The following ALCAM variants were observed in gnomAD, a reference collection of about 807,000 sequenced individuals.
The protein encoded by ALCAM is activated leukocyte cell adhesion molecule, also known as CD166 antigen.
Under a neutral mutation model 70.9 loss-of-function variants are expected in ALCAM, and 30 were observed. The ratio of observed to expected loss-of-function variants is 0.42; its 90% CI spans 0.32 to 0.57. The LOEUF is 0.57. Among genes scored for constraint, ALCAM ranks in the 20% least tolerant of loss-of-function variants. The pLI is 0.11. For synonymous variants in ALCAM, 249 were observed against 242.5 expected (o/e 1.03, Z -0.25); for missense variants, 591 against 695.1 (o/e 0.85, Z 1.68).
chr3:105,533,756 G>C, intron 5 of ALCAM, 66 bp downstream of exon 5: 1 of 1,488,908 alleles, frequency 6.7e-7, no homozygotes, highest in South Asian at 1.2e-5. Flanking sequence ...CTTTGTTCTA[G>C]GTATTCTTTA....
At chr3:105,457,839 C>A (rs1386761176) in intron 1 of ALCAM, among the ~76,000 whole-genome samples, 2 of 152,252 alleles carry the variant, frequency 1.3e-5, no homozygotes, top group Middle Eastern at 3.4e-3. Context: ...CACATGTTCT[C>A]TGTTTTACCT....
chr3:105,381,197 T>C (rs975722167), intron 1 of ALCAM, among the ~76,000 whole-genome samples: 6 of 151,946 alleles, frequency 3.9e-5, no homozygotes, highest in Non-Finnish European at 7.4e-5. Context: ...TAAGAGGTGT[T>C]AGTATTATTC....
intron 1 of ALCAM, among the ~76,000 whole-genome samples, chr3:105,449,609 T>G (rs112916244): frequency 3.3e-5 from 5 of 152,220 alleles, no homozygotes; most frequent in African/African-American, 1.2e-4. Flanking sequence ...ATTAATCTGT[T>G]GCACTACCAC....
intron 14 of ALCAM, among the ~76,000 whole-genome samples, chr3:105,556,445 A>C (rs929029526): frequency 6.6e-6 from 1 of 152,070 alleles, no homozygotes; most frequent in East Asian, 1.9e-4. Context: ...GACTATTTTC[A>C]TGAAAATTAG....
chr3:105,519,435 A>G (rs1190967476), intron 1 of ALCAM, among the ~76,000 whole-genome samples: 1 of 152,032 alleles, frequency 6.6e-6, no homozygotes, highest in African/African-American at 2.4e-5. Context: ...CACTTTATGA[A>G]GCATGTTCAT....
At chr3:105,435,810 A>G (rs1937036416) in intron 1 of ALCAM, among the ~76,000 whole-genome samples, 2 of 151,770 alleles carry the variant, frequency 1.3e-5, no homozygotes, top group African/African-American at 4.8e-5. Flanking sequence ...TTTTTTTTTG[A>G]GACGGAGTCT....
chr3:105,438,747 G>A (rs1937107555), intron 1 of ALCAM, among the ~76,000 whole-genome samples: 1 of 152,116 alleles, frequency 6.6e-6, no homozygotes. Context: ...AGATGTGGTG[G>A]CTCACACCTG....
At chr3:105,573,601 G>C (rs933917439) in intron 15 of ALCAM, among the ~76,000 whole-genome samples, 2 of 152,158 alleles carry the variant, frequency 1.3e-5, no homozygotes, top group Non-Finnish European at 2.9e-5. Context: ...AATCTCAAAA[G>C]AGGTATGTTT....
chr3:105,451,866 G>T (rs1000557657), intron 1 of ALCAM, among the ~76,000 whole-genome samples: 1 of 152,006 alleles, frequency 6.6e-6, no homozygotes, highest in Non-Finnish European at 1.5e-5. Flanking sequence ...CACTGCGTTG[G>T]TTTGCCACCT....
At chr3:105,493,603 G>A (rs1322552670) in intron 1 of ALCAM, among the ~76,000 whole-genome samples, 1 of 151,816 alleles carries the variant, frequency 6.6e-6, no homozygotes, top group Non-Finnish European at 1.5e-5. Flanking sequence ...GAAAAAAAAA[G>A]GCAGAAAGCA....
At chr3:105,432,163 A>G (rs994721993) in intron 1 of ALCAM, among the ~76,000 whole-genome samples, 40 of 152,304 alleles carry the variant, frequency 2.6e-4, no homozygotes, top group African/African-American at 8.4e-4. Flanking sequence ...GCTCTTTCAA[A>G]TAGAGTTATT....
At chr3:105,450,017 T>C (rs1937389479) in intron 1 of ALCAM, among the ~76,000 whole-genome samples, 1 of 152,186 alleles carries the variant, frequency 6.6e-6, no homozygotes, top group African/African-American at 2.4e-5. Context: ...TAGATACACA[T>C]TCATATGTGT....
intron 14 of ALCAM, among the ~76,000 whole-genome samples, chr3:105,555,892 T>TA (rs1009473805): frequency 3.3e-5 from 5 of 151,744 alleles, no homozygotes; most frequent in African/African-American, 9.7e-5. Flanking sequence ...AGTTTTTTGT[T>TA]AAAAAAAACT....
chr3:105,539,923 A>T, intron 6 of ALCAM, 52 bp from the exon 7 acceptor site: 1 of 1,592,052 alleles, frequency 6.3e-7, no homozygotes, highest in Non-Finnish European at 8.6e-7. Context: ...GTATGCACAG[A>T]GTAATTCGGT....
intron 1 of ALCAM, among the ~76,000 whole-genome samples, chr3:105,475,842 C>T (rs1411497710): frequency 6.6e-6 from 1 of 151,812 alleles, no homozygotes; most frequent in Non-Finnish European, 1.5e-5. Context: ...CTTAAATGTC[C>T]CATTTAAGAT....
intron 15 of ALCAM, 105 bp from the exon 16 acceptor site, chr3:105,574,372 C>G (rs1940918993): frequency 6.6e-6 from 1 of 152,052 alleles, no homozygotes; most frequent in Non-Finnish European, 1.5e-5. Flanking sequence ...ATAAAAGGCC[C>G]TCCTGTAAAG....
intron 1 of ALCAM, among the ~76,000 whole-genome samples, chr3:105,498,500 T>C (rs1938822475): frequency 1.9e-5 from 1 of 52,298 alleles, no homozygotes; most frequent in Admixed American, 3.0e-4. Flanking sequence ...GCCTGCCAAA[T>C]GTGTGTGTGT....
Position 105,532,740 on chromosome 3 carries a change from G to A in ALCAM, c.459+674G>A, listed in dbSNP as rs548494452. Among the ~76,000 whole-genome samples, 6 of 152,252 alleles carry A rather than the reference G, an allele frequency of 3.9e-5. No homozygotes were observed. The East Asian group carries it at 9.7e-4, about 25-fold the overall frequency. ...TGTGTTTGGGAAACAGCAAATTTTG[G>A]CATTGATGAAACTGGGTGCCAAGAC... is the stretch of plus-strand genomic sequence containing the variant. On this transcript the variant is annotated intron_variant, in intron 4 of 15. Transcript: ENST00000306107.
intron 1 of ALCAM, among the ~76,000 whole-genome samples, chr3:105,375,839 C>A (rs1164902710): frequency 6.6e-6 from 1 of 152,110 alleles, no homozygotes; most frequent in African/African-American, 2.4e-5. Context: ...GAAAAGGCGA[C>A]CTGATGTGGC....
Sources: allele counts gnomAD v4.1 joint callset (sites outside exome capture counted in the v4.1 genomes callset), GRCh38; gene constraint gnomAD v4.1.1; transcripts MANE v1.5; gene names NCBI Gene and HGNC (gene_info 2026-07-23, HGNC 2026-07-21).